The following KCNN3 variants were observed in gnomAD, a reference collection of about 807,000 sequenced individuals.
The protein encoded by KCNN3 is small conductance calcium-activated potassium channel protein 3.
A neutral mutation model predicts 62.9 loss-of-function variants in KCNN3; 16 were observed. That is an observed-to-expected ratio of 0.25 (90% CI 0.17 to 0.39). The LOEUF (loss-of-function observed/expected upper bound fraction) is 0.39, where lower values mean the gene tolerates loss of function less well. Ranked by LOEUF, KCNN3 falls within the 10% of genes least tolerant of loss-of-function variation. The pLI, the probability that KCNN3 is intolerant of heterozygous loss-of-function variation, is 1.00. For synonymous variants in KCNN3, 370 were observed against 389.2 expected (o/e 0.95, Z 0.58); for missense variants, 599 against 949.4 (o/e 0.63, Z 4.85).
chr1:154,763,066 T>C (rs1278592069), intron 3 of KCNN3, among the ~76,000 whole-genome samples: 1 of 152,186 alleles, frequency 6.6e-6, no homozygotes, highest in Non-Finnish European at 1.5e-5. Flanking sequence ...CATTTTAATA[T>C]CTAGTAGAGA....
intron 3 of KCNN3, 55 bp from the exon 4 acceptor site, chr1:154,733,199 G>A: frequency 2.5e-6 from 4 of 1,586,284 alleles, no homozygotes; most frequent in Non-Finnish European, 3.5e-6. Context: ...GGGAGTAAGG[G>A]CTGTGGGCAA....
At chr1:154,852,375 T>C (rs968347610) in intron 1 of KCNN3, among the ~76,000 whole-genome samples, 2 of 151,336 alleles carry the variant, frequency 1.3e-5, no homozygotes, top group African/African-American at 4.8e-5. Context: ...GCTAATTTTT[T>C]TTTTTTTTTT....
chr1:154,737,914 C>T (rs1420936107), intron 3 of KCNN3, among the ~76,000 whole-genome samples: 2 of 151,956 alleles, frequency 1.3e-5, no homozygotes, highest in Non-Finnish European at 2.9e-5. Context: ...GAGCAAGACC[C>T]CCATCATCTC....
At chr1:154,727,743 C>T (rs1163027265) in intron 4 of KCNN3, among the ~76,000 whole-genome samples, 3 of 152,212 alleles carry the variant, frequency 2.0e-5, no homozygotes, top group Non-Finnish European at 4.4e-5. Context: ...AGTTGCACAG[C>T]CTGGTCTGTA....
intron 2 of KCNN3, among the ~76,000 whole-genome samples, chr1:154,778,314 G>C (rs1400207393): frequency 6.6e-6 from 1 of 152,220 alleles, no homozygotes; most frequent in Admixed American, 6.5e-5. Context: ...GAATCAACAA[G>C]GTTAGGCCAT....
chr1:154,855,685 G>A (rs536248250), intron 1 of KCNN3, among the ~76,000 whole-genome samples: 30 of 152,268 alleles, frequency 2.0e-4, no homozygotes, highest in African/African-American at 6.3e-4. Flanking sequence ...CTTAGACTGC[G>A]TCCCCGTCGT....
At chr1:154,715,433 C>CA (rs68051927) in intron 5 of KCNN3, among the ~76,000 whole-genome samples, 72,571 of 103,758 alleles carry the variant, frequency 0.7, 24,901 homozygotes, top group East Asian at 0.85. Flanking sequence ...AACTCCATCT[C>CA]AAAAAAAAAA....
At chr1:154,848,818 G>A (rs757015021) in intron 1 of KCNN3, among the ~76,000 whole-genome samples, 4 of 152,094 alleles carry the variant, frequency 2.6e-5, no homozygotes, top group Non-Finnish European at 4.4e-5. Context: ...GGCCCTTAAC[G>A]GGATGCAGAG....
At chr1:154,760,464 G>A (rs950413961) in intron 3 of KCNN3, among the ~76,000 whole-genome samples, 1 of 151,926 alleles carries the variant, frequency 6.6e-6, no homozygotes, top group African/African-American at 2.4e-5. Context: ...GGAGCTAGCA[G>A]CAGCCCTGGA....
intron 3 of KCNN3, among the ~76,000 whole-genome samples, chr1:154,759,676 G>C (rs1647909489): frequency 6.6e-6 from 1 of 152,166 alleles, no homozygotes; most frequent in South Asian, 2.1e-4. Context: ...AGGTCAGATA[G>C]TCCTCCCCAG....
intron 3 of KCNN3, among the ~76,000 whole-genome samples, chr1:154,762,643 A>C (rs953419898): frequency 6.6e-6 from 1 of 152,186 alleles, no homozygotes; most frequent in Non-Finnish European, 1.5e-5. Context: ...GAGGGACTGA[A>C]ATCTAAAATT....
At chr1:154,719,822 C>T (rs1174232465) in intron 5 of KCNN3, among the ~76,000 whole-genome samples, 1 of 152,112 alleles carries the variant, frequency 6.6e-6, no homozygotes, top group Non-Finnish European at 1.5e-5. Context: ...TCTTTTTCCT[C>T]CCCCTGTTCT....
At chr1:154,856,008 C>G (rs186686735) in intron 1 of KCNN3, among the ~76,000 whole-genome samples, 3 of 152,196 alleles carry the variant, frequency 2.0e-5, no homozygotes, top group African/African-American at 7.2e-5. Flanking sequence ...TCCCTCTCCC[C>G]GCCCTGAGGG....
At chr1:154,868,538 C>T (rs1019286081) in intron 1 of KCNN3, among the ~76,000 whole-genome samples, 4 of 128,804 alleles carry the variant, frequency 3.1e-5, no homozygotes, top group Non-Finnish European at 6.3e-5. Context: ...TCTTTTTTAT[C>T]CTCAGGAAAA....
At chr1:154,812,365 C>T (rs1024579408) in intron 2 of KCNN3, among the ~76,000 whole-genome samples, 23 of 151,966 alleles carry the variant, frequency 1.5e-4, no homozygotes, top group African/African-American at 4.6e-4. Flanking sequence ...CCCATTAACT[C>T]GTCATTTACA....
intron 1 of KCNN3, among the ~76,000 whole-genome samples, chr1:154,831,931 C>G (rs1036748596): frequency 1.3e-5 from 2 of 152,004 alleles, no homozygotes; most frequent in African/African-American, 2.4e-5. Context: ...GTTCCCCAAC[C>G]CTCATTCTCC....
chr1:154,764,339 G>T (rs947336665), intron 3 of KCNN3, among the ~76,000 whole-genome samples: 1 of 152,140 alleles, frequency 6.6e-6, no homozygotes, highest in Non-Finnish European at 1.5e-5. Flanking sequence ...TAGGGAAAAG[G>T]CTCTCAGGCT....
chr1:154,736,463 G>A (rs984267144), intron 3 of KCNN3, among the ~76,000 whole-genome samples: 2 of 152,210 alleles, frequency 1.3e-5, no homozygotes, highest in African/African-American at 2.4e-5. Flanking sequence ...AAAGACATGA[G>A]ATACTTAGTA....
At chr1:154,856,789 G>A (rs71628634) in intron 1 of KCNN3, among the ~76,000 whole-genome samples, 549 of 152,284 alleles carry the variant, frequency 3.6e-3, no homozygotes, top group African/African-American at 6.9e-3. Flanking sequence ...CACAGCCAGC[G>A]CTGTACCCAA....
Sources: gnomAD v4.1 joint callset for allele counts (sites outside exome capture counted in the v4.1 genomes callset) on GRCh38, gnomAD v4.1.1 for gene constraint, MANE v1.5 for transcripts, NCBI Gene and HGNC (gene_info 2026-07-23, HGNC 2026-07-21) for gene names.